MEIOC: variants seen among roughly 807,000 people sequenced by gnomAD.
MEIOC encodes meiosis specific with coiled-coil domain, also known as meiosis-specific coiled-coil domain-containing protein MEIOC.
In MEIOC, 9 loss-of-function variants were observed where a neutral mutation model predicts 85.3. The ratio of observed to expected loss-of-function variants is 0.11; its 90% confidence interval spans 0.06 to 0.18. The LOEUF is 0.18. Among genes scored for constraint, MEIOC ranks in the 10% least tolerant of loss-of-function variants. The probability of loss-of-function intolerance (pLI) is 1.00; values close to 1 mark genes in which losing one functional copy is unlikely to be tolerated. For missense variants in MEIOC, 898 were observed against 1,129.4 expected (o/e 0.80, Z 2.94); for synonymous variants, 365 against 393.7 (o/e 0.93, Z 0.86).
chr17:44,675,321 G>C lies in MEIOC; in HGVS notation c.*1125G>C, dbSNP rs1972061347. 1 of 972,042 alleles carries C rather than the reference G, an allele frequency of 1.0e-6. No individual in the cohort carries two copies. The highest frequency in any genetic ancestry group is 1.2e-6 in the Non-Finnish European group (1 of 818,062). 60.2% of individuals were successfully genotyped at this position (972,042 alleles called of 1,614,324 possible). A position where few individuals can be genotyped will look rare whatever the true frequency, so the allele number is the denominator to read the frequency against. ...CTGTTTCTCATCACTTAGTATCTTTGTATAGAACTTGAGTAATTTATTCGT... is the reference window on the plus strand; with the variant it reads ...CTGTTTCTCATCACTTAGTATCTTTCTATAGAACTTGAGTAATTTATTCGT... On this transcript the variant is annotated 3_prime_UTR_variant, in exon 8 of 8. Transcript: ENST00000409122.
At position 44,674,618 on chromosome 17, in the gene MEIOC, C is replaced by T; in HGVS notation, c.*422C>T. ...CCCAATTACGGCTACAGCCTAGTAA[C>T]CAAGACAAGTTTTGATTGTGATATC... On this transcript the variant is annotated 3_prime_UTR_variant, in exon 8 of 8. Coordinates refer to ENST00000409122, the MANE Select transcript of MEIOC (RefSeq NM_001145080.3). 2.0e-6 allele frequency: 2 copies of T among 989,766 alleles called. No homozygotes were observed. The highest frequency in any genetic ancestry group is 2.4e-6 in the Non-Finnish European group (2 of 832,358). 61.3% of individuals were successfully genotyped at this position (989,766 alleles called of 1,614,324 possible).
chr17:44,660,640 G>A (rs181851416), intron 2 of MEIOC, among the ~76,000 whole-genome samples: 1 of 152,166 alleles, frequency 6.6e-6, no homozygotes, highest in Non-Finnish European at 1.5e-5. Flanking sequence ...TTACTTATCT[G>A]GAGAGTTAAA....
chr17:44,670,274 A>G (rs998083045), intron 6 of MEIOC: 1 of 150,498 alleles, frequency 6.6e-6, no homozygotes, highest in African/African-American at 2.4e-5. Flanking sequence ...AAAAAAAAAA[A>G]AAAAGAAAAA....
intron 3 of MEIOC, among the ~76,000 whole-genome samples, chr17:44,663,959 G>A (rs1382001599): frequency 2.0e-5 from 3 of 152,084 alleles, no homozygotes; most frequent in African/African-American, 7.2e-5. Flanking sequence ...CCTTTCCAAT[G>A]TTATGAAGAT....
Position 44,669,446 on chromosome 17 carries a change from G to T in MEIOC, c.2386G>T (p.Val796Phe). The T allele has an allele frequency of 6.4e-7, 1 of 1,566,352 alleles. No homozygotes were observed. The highest frequency in any genetic ancestry group is 8.7e-7 in the Non-Finnish European group (1 of 1,154,540). ...KKVSSTNNTP[V>F]PRLTSNPSRV... The stretch of plus-strand genomic sequence containing the variant: ...AGTATCCAGTACTAACAACACTCCA[G>T]TTCCAAGGCTGACTTCCAACCCATC... The change falls in exon 6 of 8, where the codon GTT becomes TTT. Residue 796 changes from valine (V) to phenylalanine (F), a missense_variant. Physicochemically the swap from Val to Phe is conservative, Grantham distance 50. Around this residue, in one of 2 missense-constraint regions of MEIOC, gnomAD observed 164 missense variants for 269.2 expected, o/e 0.61. Transcript: ENST00000409122.
intron 2 of MEIOC, among the ~76,000 whole-genome samples, chr17:44,658,796 A>C (rs960090006): frequency 6.6e-6 from 1 of 150,794 alleles, no homozygotes; most frequent in African/African-American, 2.4e-5. Context: ...CCCTCTCAAA[A>C]AAAAAAAAAA....
At chr17:44,672,271 C>T (rs1025352805) in intron 6 of MEIOC, among the ~76,000 whole-genome samples, 9 of 152,192 alleles carry the variant, frequency 5.9e-5, no homozygotes, top group Non-Finnish European at 1.0e-4. Flanking sequence ...GTGTGAGCTA[C>T]AGTGCCCAGC....
rs976000142 is a variant in MEIOC, at chr17:44,675,019, G to A, written c.*823G>A. The A allele has an allele frequency of 4.1e-6, 4 of 984,790 alleles. No individual in the cohort carries two copies. The African/African-American group carries it at 5.2e-5, about 13-fold the overall frequency. 61.0% of individuals were successfully genotyped at this position (984,790 alleles called of 1,614,324 possible). On this transcript the variant is annotated 3_prime_UTR_variant, in exon 8 of 8. Coordinates refer to ENST00000409122, the MANE Select transcript of MEIOC (RefSeq NM_001145080.3). ...CACAGTAACTGAAATAATGACTACT[G>A]TTTTAATACCCTTAGTTTGCTGCCT...
intron 5 of MEIOC, 54 bp from the exon 6 acceptor site, chr17:44,669,329 G>T: frequency 7.2e-7 from 1 of 1,380,242 alleles, no homozygotes; most frequent in Non-Finnish European, 1.0e-6. Context: ...TATTATTCAT[G>T]GTCGAATCAT....
Position 44,657,190 on chromosome 17 carries a change from A to G in MEIOC, c.133A>G (p.Arg45Gly). 1.3e-6 allele frequency: 2 copies of G among 1,551,882 alleles called. No homozygotes were observed. The highest frequency in any genetic ancestry group is 1.7e-6 in the Non-Finnish European group (2 of 1,146,956). The part of the protein sequence containing the change: ...CWNLGADAGS[R>G]LTDVFGSVML... ...GAACCTCGGCGCCGACGCCGGCAGC[A>G]GGTTAACCGACGTCTTCGGCAGCGT... The change falls in exon 2 of 8, where the codon AGG becomes GGG. Residue 45 changes from arginine (R) to glycine (G), a missense_variant. Arg to Gly is a moderately radical substitution (Grantham distance 125, BLOSUM62 -2). This residue lies in a region of MEIOC where 734 missense variants were observed against 860.1 expected (regional missense o/e 0.85). Coordinates refer to ENST00000409122, the MANE Select transcript of MEIOC (RefSeq NM_001145080.3).
Position 44,673,470 on chromosome 17 carries a change from G to A in MEIOC, c.2562G>A (p.Gln854=), listed in dbSNP as rs1231377354. 1 of 1,551,560 alleles carries A rather than the reference G, an allele frequency of 6.4e-7. No homozygotes were observed. ...DRHLESIHIV[Q]SRRKDEIVNA... ...ACTTGGAGTCTATTCACATTGTACAGTCACGTAGAAAGGATGAAATTGTTA... is the reference window on the plus strand; with the variant it reads ...ACTTGGAGTCTATTCACATTGTACAATCACGTAGAAAGGATGAAATTGTTA... Residue 854 remains glutamine, a synonymous_variant, in exon 7 of 8, where the codon CAG becomes CAA. Coordinates refer to ENST00000409122, the MANE Select transcript of MEIOC (RefSeq NM_001145080.3).
At chr17:44,672,702 A>G (rs1972030292) in intron 6 of MEIOC, among the ~76,000 whole-genome samples, 1 of 151,924 alleles carries the variant, frequency 6.6e-6, no homozygotes, top group African/African-American at 2.4e-5. Flanking sequence ...TATGAAACAT[A>G]CTCCCCCTAC....
downstream of MEIOC, among the ~76,000 whole-genome samples, chr17:44,676,452 G>T (rs1488725559): frequency 6.6e-6 from 1 of 152,064 alleles, no homozygotes; most frequent in Non-Finnish European, 1.5e-5. Context: ...AGTTTTAGAG[G>T]GTTGAGAATT....
intron 2 of MEIOC, among the ~76,000 whole-genome samples, chr17:44,657,535 T>C (rs900474096): frequency 6.7e-6 from 1 of 149,038 alleles, no homozygotes. Context: ...CGCCCGGCTG[T>C]TTTTTTTGTT....
rs190526352 is a variant in MEIOC, at chr17:44,669,846, C to T, written c.2457+329C>T. 3.0e-3 allele frequency: 649 copies of T among 213,868 alleles called. 2 individuals are homozygous for T. The highest frequency in any genetic ancestry group is 4.8e-3 in the Non-Finnish European group (505 of 106,124). 13.2% of individuals were successfully genotyped at this position (213,868 alleles called of 1,614,324 possible). A position where few individuals can be genotyped will look rare whatever the true frequency, so the allele number is the denominator to read the frequency against. On this transcript the variant is annotated intron_variant, in intron 6 of 7. Coordinates refer to ENST00000409122, the MANE Select transcript of MEIOC (RefSeq NM_001145080.3). ...CTGCACTCCAGCCTGAGTGACAGAGCGAGACTCTATCTCAATAAATAAATA... is the reference window on the plus strand; with the variant it reads ...CTGCACTCCAGCCTGAGTGACAGAGTGAGACTCTATCTCAATAAATAAATA...
chr17:44,669,292 T>C (rs1444062120), intron 5 of MEIOC, 91 bp from the exon 6 acceptor site: 2 of 980,696 alleles, frequency 2.0e-6, no homozygotes, highest in Non-Finnish European at 3.0e-6. Flanking sequence ...AAAGTGGTAA[T>C]ACTCTATTTA....
At chr17:44,673,858 C>T (rs1019070881) in intron 7 of MEIOC, 118 bp from the exon 8 acceptor site, 1 of 1,237,776 alleles carries the variant, frequency 8.1e-7, no homozygotes, top group Non-Finnish European at 1.1e-6. Context: ...CAATAACTAT[C>T]CTTTTTTTAC....
chr17:44,675,523 A>T lies in MEIOC; in HGVS notation c.*1327A>T. 1 of 973,346 alleles carries T rather than the reference A, an allele frequency of 1.0e-6. No homozygotes were observed. The highest frequency in any genetic ancestry group is 1.2e-6 in the Non-Finnish European group (1 of 819,074). 60.3% of individuals were successfully genotyped at this position (973,346 alleles called of 1,614,324 possible). On this transcript the variant is annotated 3_prime_UTR_variant, in exon 8 of 8. Coordinates refer to ENST00000409122, the MANE Select transcript of MEIOC (RefSeq NM_001145080.3). ...AGAAATTCTGGTATTAAAAAAAAAA[A>T]GAGTGTAATCATACCACATAAATTT...
At chr17:44,663,813 G>A (rs1170895924) in intron 3 of MEIOC, among the ~76,000 whole-genome samples, 8 of 152,018 alleles carry the variant, frequency 5.3e-5, no homozygotes, top group Non-Finnish European at 1.0e-4. Flanking sequence ...AAAAGGTATT[G>A]GACTTACAGG....
Sources: gnomAD v4.1 joint callset for allele counts (sites outside exome capture counted in the v4.1 genomes callset) on GRCh38, gnomAD v4.1.1 for gene constraint, gnomAD v4.1.1 regional missense constraint, MANE v1.5 for transcripts, NCBI Gene and HGNC (gene_info 2026-07-23, HGNC 2026-07-21) for gene names.